Variants in ANXA4 observed in about 807,000 individuals in gnomAD.
ANXA4 encodes annexin A4, also known as 35-beta calcimedin.
Under a neutral mutation model 49.8 loss-of-function variants are expected in ANXA4, and 39 were observed. The ratio of observed to expected loss-of-function variants is 0.78; its 90% confidence interval spans 0.61 to 1.02. The LOEUF (loss-of-function observed/expected upper bound fraction) is 1.02, where lower values mean the gene tolerates loss of function less well. ANXA4 is among the 50% of genes least tolerant of loss of function. The pLI is 0.00. For missense variants in ANXA4, 360 were observed against 410.1 expected (o/e 0.88, Z 1.05); for synonymous variants, 134 against 152.5 (o/e 0.88, Z 0.89).
intron 7 of ANXA4, 190 bp downstream of exon 7, chr2:69,810,863 C>T: frequency 1.7e-6 from 1 of 579,430 alleles, no homozygotes; most frequent in East Asian, 2.9e-5. Context: ...ATTTTTTCTA[C>T]TTTAATTTGA....
intron 1 of ANXA4, among the ~76,000 whole-genome samples, chr2:69,748,711 T>C (rs1670721680): frequency 2.7e-5 from 2 of 74,442 alleles, no homozygotes; most frequent in African/African-American, 1.0e-4. Flanking sequence ...ACCCTACTTC[T>C]TTTTTTTTTT....
At chr2:69,824,194 A>AC (rs746100697) in intron 12 of ANXA4, among the ~76,000 whole-genome samples, 20 of 152,052 alleles carry the variant, frequency 1.3e-4, no homozygotes, top group Non-Finnish European at 2.1e-4. Flanking sequence ...CTGTTTTGTA[A>AC]CCCATATCAA....
intron 2 of ANXA4, among the ~76,000 whole-genome samples, chr2:69,654,726 C>G (rs1260630552): frequency 1.3e-5 from 2 of 152,090 alleles, no homozygotes; most frequent in African/African-American, 4.8e-5. Context: ...CAAGACAATC[C>G]TAAGCAAAAA....
intron 3 of ANXA4, 93 bp from the exon 4 acceptor site, chr2:69,804,440 A>G (rs147759352): frequency 9.0e-7 from 1 of 1,116,106 alleles, no homozygotes; most frequent in Non-Finnish European, 1.3e-6. Flanking sequence ...AGCCCTCTGC[A>G]TGTGTTTGGG....
At chr2:69,730,110 C>T (rs771588472) in intron 3 of ANXA4, among the ~76,000 whole-genome samples, 11 of 151,886 alleles carry the variant, frequency 7.2e-5, no homozygotes, top group Non-Finnish European at 1.3e-4. Flanking sequence ...GAGGCCAAGG[C>T]GGGAGGATCG....
intron 2 of ANXA4, among the ~76,000 whole-genome samples, chr2:69,690,958 C>G (rs1347642889): frequency 6.6e-6 from 1 of 152,084 alleles, no homozygotes; most frequent in Non-Finnish European, 1.5e-5. Context: ...CAAGAAATAA[C>G]AATAATGGTA....
intron 2 of ANXA4, among the ~76,000 whole-genome samples, chr2:69,666,214 C>A (rs754043472): frequency 6.6e-6 from 1 of 152,120 alleles, no homozygotes; most frequent in Non-Finnish European, 1.5e-5. Flanking sequence ...AAGGTACACA[C>A]ATGGCCAATA....
intron 3 of ANXA4, among the ~76,000 whole-genome samples, chr2:69,724,777 G>GGGGCAAGAAAGATA (rs1669915078): frequency 7.2e-5 from 6 of 83,124 alleles, no homozygotes; most frequent in African/African-American, 3.6e-4. Flanking sequence ...CAAGAAAGAT[G>GGGGCAAGAAAGATA]AACTCATTCG....
chr2:69,648,574 A>C (rs1458711276), intron 1 of ANXA4, among the ~76,000 whole-genome samples: 2 of 152,172 alleles, frequency 1.3e-5, no homozygotes, highest in African/African-American at 4.8e-5. Context: ...CCGTAATCCC[A>C]ACACTTTGGG....
intron 1 of ANXA4, among the ~76,000 whole-genome samples, chr2:69,757,537 T>C (rs1406055605): frequency 6.7e-6 from 1 of 149,826 alleles, no homozygotes; most frequent in African/African-American, 2.5e-5. Flanking sequence ...CCTCCCAAAG[T>C]TCTGGGGTTA....
At chr2:69,683,977 A>C (rs540772081) in intron 2 of ANXA4, among the ~76,000 whole-genome samples, 4 of 152,218 alleles carry the variant, frequency 2.6e-5, no homozygotes, top group African/African-American at 9.7e-5. Context: ...AATGCAGCAT[A>C]ACAAGAGTTG....
At chr2:69,816,279 C>A (rs1319947432) in intron 9 of ANXA4, 85 bp downstream of exon 9, 1 of 1,108,814 alleles carries the variant, frequency 9.0e-7, no homozygotes, top group Non-Finnish European at 1.4e-6. Context: ...TAACCTTCCT[C>A]CTTCAGTTGG....
chr2:69,745,134 G>A lies in ANXA4; in HGVS notation c.-47+2959G>A, dbSNP rs532361450. ...AAAAAAAAATAAGTTTGCAGTGAGT[G>A]TGAGGGGTGCATGCTAGCCAGCAGC... On this transcript the variant is annotated intron_variant, in intron 1 of 12. Transcript: ENST00000394295. 3.2e-4 allele frequency among the ~76,000 whole-genome samples: 49 copies of A among 152,274 alleles called. 1 individual carries two copies. The highest frequency in any genetic ancestry group is 3.2e-3 in the Admixed American group (49 of 15,298).
intron 2 of ANXA4, among the ~76,000 whole-genome samples, chr2:69,694,361 ATTTC>A (rs956742604): frequency 1.6e-4 from 22 of 138,066 alleles, no homozygotes; most frequent in African/African-American, 5.7e-4. Flanking sequence ...TAAACAATAC[ATTTC>A]TTTTTTTTTT....
chr2:69,771,741 GTAT>G (rs548239089), intron 1 of ANXA4, among the ~76,000 whole-genome samples: 52 of 152,256 alleles, frequency 3.4e-4, no homozygotes, highest in African/African-American at 1.2e-3. Context: ...GTGTTACAGT[GTAT>G]TATTATCCTT....
At chr2:69,822,681 T>C (rs1674293675) in intron 12 of ANXA4, among the ~76,000 whole-genome samples, 2 of 152,330 alleles carry the variant, frequency 1.3e-5, no homozygotes, top group African/African-American at 4.8e-5. Context: ...AAATATTGTA[T>C]GATTCTGCTT....
At chr2:69,764,367 A>G (rs1207673781) in intron 1 of ANXA4, among the ~76,000 whole-genome samples, 1 of 152,246 alleles carries the variant, frequency 6.6e-6, no homozygotes, top group Non-Finnish European at 1.5e-5. Flanking sequence ...AACATGATAT[A>G]ACCCTAACCA....
At chr2:69,652,005 A>G (rs1252203476) in intron 1 of ANXA4, among the ~76,000 whole-genome samples, 1 of 151,216 alleles carries the variant, frequency 6.6e-6, no homozygotes, top group East Asian at 2.0e-4. Context: ...TATTGCAAAC[A>G]TAAAGTAGTT....
intron 12 of ANXA4, 120 bp from the exon 13 acceptor site, chr2:69,825,336 C>CA (rs1010616606): frequency 6.7e-5 from 51 of 756,886 alleles, no homozygotes; most frequent in Middle Eastern, 4.9e-4. Context: ...TAAAAAATAA[C>CA]AAAAAAAATT....
Sources: allele counts gnomAD v4.1 joint callset (sites outside exome capture counted in the v4.1 genomes callset), GRCh38; gene constraint gnomAD v4.1.1; transcripts MANE v1.5; gene names NCBI Gene and HGNC (gene_info 2026-07-23, HGNC 2026-07-21).